SLC2A4RG: variants seen among roughly 807,000 people sequenced by gnomAD.
The protein encoded by SLC2A4RG is SLC2A4 regulator, also known as GLUT4 enhancer factor.
A neutral mutation model predicts 35.5 loss-of-function variants in SLC2A4RG; 23 were observed. That is an observed-to-expected ratio of 0.65 (90% CI 0.47 to 0.92). The LOEUF is 0.92. Ranked by LOEUF, SLC2A4RG falls within the 40% of genes least tolerant of loss-of-function variation. The pLI is 0.00. For synonymous variants in SLC2A4RG, 306 were observed against 243.7 expected (o/e 1.26, Z -2.38); for missense variants, 539 against 525.0 (o/e 1.03, Z -0.26).
In SLC2A4RG at chr20:63,740,106, C is replaced by G. The variant is rs543908823; in HGVS notation, c.126+68C>G. 363 of 822,136 alleles carry G rather than the reference C, an allele frequency of 4.4e-4. 2 individuals carry two copies. In the African/African-American group the frequency reaches 6.4e-3, roughly 15 times the overall value. The allele number at this position is 822,136 out of a possible 1,614,324, so 50.9% of individuals were successfully genotyped here. ...CGCTGCAAAGATGGCGTCAGTGCTG[C>G]CCAAACTTCGGGCCCCCGGGGGCGG... On this transcript the variant is annotated intron_variant, in intron 1 of 7. Coordinates refer to ENST00000266077, the MANE Select transcript of SLC2A4RG (RefSeq NM_020062.4).
Position 63,741,375 on chromosome 20 carries a change from C to T in SLC2A4RG, c.287C>T (p.Thr96Ile), listed in dbSNP as rs1601366086. The change falls in exon 3 of 8, where the codon ACC (threonine) becomes ATC (isoleucine). Residue 96 changes from threonine to isoleucine, a missense_variant. Thr to Ile is a moderately conservative substitution (Grantham distance 89). Coordinates refer to ENST00000266077, the MANE Select transcript of SLC2A4RG (RefSeq NM_020062.4). ...CCCGCCCCCATCTCCTCCAGAGCCA[C>T]CCCAGGAAAAGCCCGGCTGGACGAG... ...AHIPVPAQRA[T>I]PGKARLDEVM... 1.2e-6 allele frequency: 2 copies of T among 1,612,712 alleles called. No homozygotes were observed. Among genetic ancestry groups the T allele is most frequent in the Non-Finnish European group, 1.7e-6 (2 of 1,179,848 alleles).
chr20:63,741,127 G>C (rs1167704752), intron 2 of SLC2A4RG: 2 of 552,418 alleles, frequency 3.6e-6, no homozygotes, highest in African/African-American at 3.8e-5. Flanking sequence ...AGGAACCACA[G>C]TGGAGCCAAG....
At chr20:63,741,637 G>T (rs1001612819) in intron 3 of SLC2A4RG, among the ~76,000 whole-genome samples, 158 bp downstream of exon 3, 1 of 152,186 alleles carries the variant, frequency 6.6e-6, no homozygotes, top group African/African-American at 2.4e-5. Context: ...GGCCAAAGCG[G>T]CAGGACCCAG....
rs1472063066 is a variant in SLC2A4RG, at chr20:63,742,498, G to A, written c.843G>A (p.Leu281=). 1 of 1,571,720 alleles carries A rather than the reference G, an allele frequency of 6.4e-7. No individual in the cohort carries two copies. The highest frequency in any genetic ancestry group is 1.2e-5 in the South Asian group (1 of 86,680). The stretch of plus-strand genomic sequence containing the variant: ...TCCCCCGCCTGGAGCTGCCAGAGCT[G>A]CTGGAGCCCCCAGCCCTGCCTAGTC... The part of the protein sequence containing the change: ...PAFPRLELPE[L]LEPPALPSPL... The change falls in exon 6 of 8, where the codon CTG becomes CTA. Residue 281 remains leucine, a synonymous_variant. Transcript: ENST00000266077.
At chr20:63,742,255 GGGGCCTGCGGGTTGGCT>G in intron 5 of SLC2A4RG, 25 bp downstream of exon 5, 2 of 1,585,228 alleles carry the variant, frequency 1.3e-6, no homozygotes, top group Non-Finnish European at 8.6e-7. Context: ...GGGGTGCGGC[GGGGCCTGCGGGTTGGCT>G]GGGGTTGTGA....
At chr20:63,740,275 C>T in intron 1 of SLC2A4RG, 102 bp from the exon 2 acceptor site, 1 of 830,272 alleles carries the variant, frequency 1.2e-6, no homozygotes, top group Non-Finnish European at 1.6e-6. Flanking sequence ...CCGGCCGCAG[C>T]CGGTTTTCGA....
chr20:63,741,734 C>G (rs2092042605), intron 3 of SLC2A4RG, 135 bp from the exon 4 acceptor site: 1 of 1,432,004 alleles, frequency 7.0e-7, no homozygotes, highest in African/African-American at 1.4e-5. Flanking sequence ...GGGTTTCTCC[C>G]CAAGCCCTGG....
chr20:63,740,680 G>A (rs1036996822), intron 2 of SLC2A4RG, 149 bp downstream of exon 2: 1 of 808,120 alleles, frequency 1.2e-6, no homozygotes, highest in African/African-American at 1.8e-5. Flanking sequence ...GAGGAGCTGA[G>A]CAGAAATGAT....
At position 63,743,909 on chromosome 20, in the gene SLC2A4RG, A is replaced by G. The variant is rs753284696; in HGVS notation, c.*919A>G. 6.6e-5 allele frequency: 10 copies of G among 152,656 alleles called. No homozygotes were observed. Among genetic ancestry groups the G allele is most frequent in the Non-Finnish European group, 1.3e-4 (9 of 68,038 alleles). The allele number at this position is 152,656 out of a possible 1,614,324, so 9.5% of individuals were successfully genotyped here. On this transcript the variant is annotated 3_prime_UTR_variant, in exon 8 of 8. Coordinates refer to ENST00000266077, the MANE Select transcript of SLC2A4RG (RefSeq NM_020062.4). ...ATCTCCAATACAAACACAGGTTTAT[A>G]ATAAGTAATAGGAAGTCAATATAAT...
In SLC2A4RG at chr20:63,740,463, C is replaced by T. The variant is rs1244856347; in HGVS notation, c.213C>T (p.Pro71=). The part of the protein sequence containing the change: ...SEPRASDLGA[P]RTWTGAAAGP... ...CGCGGGCCTCGGACCTGGGGGCCCC[C>T]CGGACGTGGACGGGGGCGGCGGCGG... The change falls in exon 2 of 8, where the codon CCC becomes CCT. Residue 71 remains proline, a synonymous_variant. Transcript: ENST00000266077. 2.4e-6 allele frequency: 3 copies of T among 1,230,176 alleles called. No homozygotes were observed. The highest frequency in any genetic ancestry group is 3.0e-6 in the Non-Finnish European group (3 of 986,266). The allele number at this position is 1,230,176 out of a possible 1,614,324, so 76.2% of individuals were successfully genotyped here.
At position 63,743,103 on chromosome 20, in the gene SLC2A4RG, G is replaced by C. The variant is rs1348218001; in HGVS notation, c.*113G>C. The stretch of plus-strand genomic sequence containing the variant: ...AGGGGCTGGCTTTCACCAGCTGCAG[G>C]GTCTGCTTTTACTTGGGGTGGGGGG... On this transcript the variant is annotated 3_prime_UTR_variant, in exon 8 of 8. Coordinates refer to ENST00000266077, the MANE Select transcript of SLC2A4RG (RefSeq NM_020062.4). 4.0e-6 allele frequency: 1 copy of C among 251,468 alleles called. No individual in the cohort carries two copies. Among genetic ancestry groups the C allele is most frequent in the South Asian group, 6.3e-5 (1 of 15,874 alleles). The allele number at this position is 251,468 out of a possible 1,614,324, so 15.6% of individuals were successfully genotyped here. A position where few individuals can be genotyped will look rare whatever the true frequency, so the allele number is the denominator to read the frequency against.
chr20:63,741,774 C>T lies in SLC2A4RG; in HGVS notation c.392-95C>T. The T allele has an allele frequency of 2.8e-6, 4 of 1,453,074 alleles. 1 individual carries two copies. In the South Asian group the frequency reaches 4.3e-5, roughly 16 times the overall value. The allele number at this position is 1,453,074 out of a possible 1,614,324, so 90.0% of individuals were successfully genotyped here. On this transcript the variant is annotated intron_variant, in intron 3 of 7. Transcript: ENST00000266077. Reference sequence around the variant, plus strand: ...AGCTCCTCCAAGACGCTCTGCCCACCAGTCTCACCGGACTTGGTGAACAGG... The same window carrying T: ...AGCTCCTCCAAGACGCTCTGCCCACTAGTCTCACCGGACTTGGTGAACAGG...
chr20:63,741,641 G>A (rs900971267), intron 3 of SLC2A4RG, among the ~76,000 whole-genome samples, 162 bp downstream of exon 3: 5 of 152,206 alleles, frequency 3.3e-5, no homozygotes, highest in African/African-American at 1.2e-4. Flanking sequence ...AAAGCGGCAG[G>A]ACCCAGGCCT....
At chr20:63,740,903 T>A (rs1197356916) in intron 2 of SLC2A4RG, among the ~76,000 whole-genome samples, 1 of 152,076 alleles carries the variant, frequency 6.6e-6, no homozygotes, top group Non-Finnish European at 1.5e-5. Context: ...GGGCGGGCCC[T>A]GGCCTGGCTC....
At chr20:63,740,128 G>A (rs969506573) in intron 1 of SLC2A4RG, 90 bp downstream of exon 1, 7 of 638,852 alleles carry the variant, frequency 1.1e-5, no homozygotes, top group South Asian at 1.4e-4. Flanking sequence ...GCCCCCGGGG[G>A]CGGGGCAGCG....
At position 63,742,968 on chromosome 20, in the gene SLC2A4RG, C is replaced by T; in HGVS notation, c.1142C>T (p.Ala381Val). 6.2e-7 allele frequency: 1 copy of T among 1,611,438 alleles called. No homozygotes were observed. Among genetic ancestry groups the T allele is most frequent in the Non-Finnish European group, 8.5e-7 (1 of 1,179,014 alleles). The change falls in exon 8 of 8, where the codon GCC (alanine) becomes GTC (valine). Residue 381 changes from alanine to valine, a missense_variant. Transcript: ENST00000266077. Reference protein sequence around the residue: ...LWCTACRWKKACQRFLD With the variant: ...LWCTACRWKKVCQRFLD ...TGCACAGCCTGCCGCTGGAAGAAAG[C>T]CTGCCAGCGGTTCCTGGACTAAGTC...
chr20:63,740,664 G>A, intron 2 of SLC2A4RG, 133 bp downstream of exon 2: 1 of 908,706 alleles, frequency 1.1e-6, no homozygotes, highest in Non-Finnish European at 1.4e-6. Flanking sequence ...AAGCTCTTCA[G>A]CCCTGGAGGA....
At chr20:63,740,240 CG>C in intron 1 of SLC2A4RG, 136 bp from the exon 2 acceptor site, 3 of 524,672 alleles carry the variant, frequency 5.7e-6, no homozygotes, top group South Asian at 8.8e-5. Context: ...GGGGCGGGGC[CG>C]GGGGCGGGGC....
Position 63,742,134 on chromosome 20 carries a change from C to T in SLC2A4RG, c.584C>T (p.Pro195Leu), listed in dbSNP as rs377764769. ...CCCTGGCCCCTGTTGCTGCAGAGCC[C>T]GGCCCAGGTCATGTTCCAGTGTCTG... The part of the protein sequence containing the change: ...GEPTLRKRKS[P>L]AQVMFQCLWK... Residue 195 changes from proline (P) to leucine (L), a missense_variant, in exon 5 of 8, where the codon CCG (proline) becomes CTG (leucine). By Grantham distance (98) the Pro-to-Leu change is moderately conservative. Transcript: ENST00000266077. 13 of 1,603,454 alleles carry T rather than the reference C, an allele frequency of 8.1e-6. No homozygotes were observed. Among genetic ancestry groups the T allele is most frequent in the African/African-American group, 4.0e-5 (3 of 74,550 alleles).
Sources: gnomAD v4.1 joint callset for allele counts (sites outside exome capture counted in the v4.1 genomes callset) on GRCh38, gnomAD v4.1.1 for gene constraint, MANE v1.5 for transcripts, NCBI Gene and HGNC (gene_info 2026-07-23, HGNC 2026-07-21) for gene names.